The following RAPGEFL1 variants were observed in gnomAD, a reference collection of about 807,000 sequenced individuals.
RAPGEFL1 encodes the protein rap guanine nucleotide exchange factor-like 1.
A neutral mutation model predicts 64.4 loss-of-function variants in RAPGEFL1; 31 were observed. That is an observed-to-expected ratio of 0.48 (90% CI 0.36 to 0.65). The LOEUF (loss-of-function observed/expected upper bound fraction) is 0.65, where lower values mean the gene tolerates loss of function less well. Among genes scored for constraint, RAPGEFL1 ranks in the 30% least tolerant of loss-of-function variants. RAPGEFL1 has a pLI of 0.00. For synonymous variants in RAPGEFL1, 331 were observed against 274.1 expected (o/e 1.21, Z -2.05); for missense variants, 682 against 677.4 (o/e 1.01, Z -0.08).
At chr17:40,192,147 C>T (rs886095955) in intron 10 of RAPGEFL1, 66 bp from the exon 11 acceptor site, 1 of 1,464,042 alleles carries the variant, frequency 6.8e-7, no homozygotes, top group Non-Finnish European at 9.6e-7. Flanking sequence ...AGAATTAATC[C>T]GAGGCTCCCA....
At position 40,194,547 on chromosome 17, in the gene RAPGEFL1, C is replaced by T. The variant is rs1990400367; in HGVS notation, c.*759C>T. Reference sequence around the variant, plus strand: ...CATCAGCCCTTGCAAGTCCCCCACTCAGGCCTCTGGAAGGTCCAGGGATGG... The same window carrying T: ...CATCAGCCCTTGCAAGTCCCCCACTTAGGCCTCTGGAAGGTCCAGGGATGG... On this transcript the variant is annotated 3_prime_UTR_variant, in exon 15 of 15. Coordinates refer to ENST00000620260, the MANE Select transcript of RAPGEFL1 (RefSeq NM_016339.6). 1 of 152,782 alleles carries T rather than the reference C, an allele frequency of 6.5e-6. No individual in the cohort carries two copies. Among genetic ancestry groups the T allele is most frequent in the Admixed American group, 6.5e-5 (1 of 15,272 alleles). The allele number at this position is 152,782 out of a possible 1,614,324, so 9.5% of individuals were successfully genotyped here. A position where few individuals can be genotyped will look rare whatever the true frequency, so the allele number is the denominator to read the frequency against.
chr17:40,189,408 G>A (rs767236852), intron 6 of RAPGEFL1, 33 bp downstream of exon 6: 13 of 1,609,598 alleles, frequency 8.1e-6, no homozygotes, highest in South Asian at 5.5e-5. Context: ...CTGATGCTCC[G>A]AGAGGAGAAA....
Position 40,177,858 on chromosome 17 carries a change from G to T in RAPGEFL1, c.-4G>T. ...CGACCCCTAGGAGAGGGGCGGGGGG[G>T]GGCATGAAGCCGCTGGAGAAATTTC... On this transcript the variant is annotated 5_prime_UTR_variant, in exon 1 of 15. Coordinates refer to ENST00000620260, the MANE Select transcript of RAPGEFL1 (RefSeq NM_016339.6). 2.3e-6 allele frequency: 1 copy of T among 428,144 alleles called. No homozygotes were observed. The allele number at this position is 428,144 out of a possible 1,614,324, so 26.5% of individuals were successfully genotyped here.
chr17:40,178,403 A>G (rs1025264686), intron 1 of RAPGEFL1, 22 bp downstream of exon 1: 5 of 485,702 alleles, frequency 1.0e-5, no homozygotes, highest in African/African-American at 1.0e-4. Flanking sequence ...GTGGGCTCGA[A>G]CACCCAGAGC....
At position 40,195,272 on chromosome 17, in the gene RAPGEFL1, C is replaced by T. The variant is rs1990422034; in HGVS notation, c.*1484C>T. The T allele has an allele frequency of 6.5e-6, 1 of 152,676 alleles. No individual in the cohort carries two copies. Among genetic ancestry groups the T allele is most frequent in the South Asian group, 2.1e-4 (1 of 4,840 alleles). 9.5% of individuals were successfully genotyped at this position (152,676 alleles called of 1,614,324 possible). ...GTCTTGTTCCTGCAGCAAAAATCCT[C>T]TATGGACATAGGAGGTGCTGTGTCC... On this transcript the variant is annotated 3_prime_UTR_variant, in exon 15 of 15. Coordinates refer to ENST00000620260, the MANE Select transcript of RAPGEFL1 (RefSeq NM_016339.6).
intron 4 of RAPGEFL1, 42 bp downstream of exon 4, chr17:40,184,720 C>G: frequency 2.4e-6 from 3 of 1,250,876 alleles, no homozygotes; most frequent in Non-Finnish European, 3.4e-6. Context: ...GAAAGTGGTC[C>G]CCTGCGTTCC....
At chr17:40,180,401 G>A (rs1037136690) in intron 1 of RAPGEFL1, among the ~76,000 whole-genome samples, 4 of 151,956 alleles carry the variant, frequency 2.6e-5, no homozygotes, top group Non-Finnish European at 5.9e-5. Flanking sequence ...CCAGTCCCAG[G>A]TGAATGAGAA....
At chr17:40,182,101 A>G (rs963581468) in intron 2 of RAPGEFL1, among the ~76,000 whole-genome samples, 11 of 151,974 alleles carry the variant, frequency 7.2e-5, no homozygotes, top group Admixed American at 2.0e-4. Flanking sequence ...AAGAAAAGAA[A>G]ACATACCTGG....
rs899390186 is a variant in RAPGEFL1 at position 40,191,740 on chromosome 17, C to A, written c.1605+68C>A. 9 of 1,475,090 alleles carry A rather than the reference C, an allele frequency of 6.1e-6. No homozygotes were observed. The African/African-American group carries it at 1.3e-4, about 20-fold the overall frequency. 91.4% of individuals were successfully genotyped at this position (1,475,090 alleles called of 1,614,324 possible). A position where few individuals can be genotyped will look rare whatever the true frequency, so the allele number is the denominator to read the frequency against. ...CCGGGCTCCCCGAAGTGCGTCCTCC[C>A]GGGACGGCCGCCGGCCTGGAGGGAG... On this transcript the variant is annotated intron_variant, in intron 10 of 14. Transcript: ENST00000620260. The surrounding 1 kb of genome is among the most constrained non-coding windows in gnomAD (Gnocchi z 5.1).
chr17:40,190,853 A>G (rs1990238083), intron 8 of RAPGEFL1, 91 bp downstream of exon 8: 2 of 1,552,710 alleles, frequency 1.3e-6, no homozygotes, highest in South Asian at 1.2e-5. Context: ...CCTGGTTCCA[A>G]GGCTCACTTG....
intron 13 of RAPGEFL1, 55 bp from the exon 14 acceptor site, chr17:40,193,306 AAG>A: frequency 6.4e-7 from 1 of 1,567,564 alleles, no homozygotes; most frequent in Non-Finnish European, 8.8e-7. Flanking sequence ...GGGGGAGCAT[AAG>A]AGGGGGAGCC....
At chr17:40,186,592 A>T (rs1448097759) in intron 4 of RAPGEFL1, among the ~76,000 whole-genome samples, 1 of 144,232 alleles carries the variant, frequency 6.9e-6, no homozygotes, top group African/African-American at 2.6e-5. Context: ...AAAAAAAAAA[A>T]AAAAAAAAAA....
chr17:40,183,968 A>T (rs1462984015), intron 2 of RAPGEFL1, among the ~76,000 whole-genome samples: 8 of 148,216 alleles, frequency 5.4e-5, no homozygotes, highest in Non-Finnish European at 1.2e-4. Context: ...CTCAGCCTCC[A>T]GAGTAGCTGG....
chr17:40,184,080 G>C lies in RAPGEFL1; in HGVS notation c.600-134G>C, dbSNP rs1347028455. On this transcript the variant is annotated intron_variant, in intron 2 of 14. Transcript: ENST00000620260. ...ACTGGTCTCGAACTCCTGACCTCAG[G>C]TGATCCGCCCGCCTCAGCTTCCCAA... 1.3e-5 allele frequency: 10 copies of C among 744,852 alleles called. No homozygotes were observed. The East Asian group carries it at 2.5e-4, about 19-fold the overall frequency. 46.1% of individuals were successfully genotyped at this position (744,852 alleles called of 1,614,324 possible).
Position 40,193,356 on chromosome 17 carries a change from C to T in RAPGEFL1, c.1810-7C>T, listed in dbSNP as rs1183613598. On this transcript the variant is annotated splice_region_variant and splice_polypyrimidine_tract_variant and intron_variant, in intron 13 of 14. Transcript: ENST00000620260. ...CCTTTCAAGGCTCATTCCTTGTCAT[C>T]TCCCAGCATTCAGTGGCCGAAAAAG... 6.2e-7 allele frequency: 1 copy of T among 1,614,180 alleles called. No individual in the cohort carries two copies. The highest frequency in any genetic ancestry group is 8.5e-7 in the Non-Finnish European group (1 of 1,180,034).
In RAPGEFL1 at chr17:40,189,323, G is replaced by A; in HGVS notation, c.1062G>A (p.Glu354=). The A allele has an allele frequency of 6.2e-7, 1 of 1,614,200 alleles. No individual in the cohort carries two copies. The highest frequency in any genetic ancestry group is 2.2e-5 in the East Asian group (1 of 44,888). ...SVTEKLQYSE[E]PAGREDSLIL... is the part of the protein sequence containing the mutation. ...CGGAGAAACTTCAATATTCAGAGGA[G>A]CCCGCGGGGCGTGAGGATTCCCTCA... Residue 354 remains glutamate, a synonymous_variant, in exon 6 of 15, where the codon GAG becomes GAA. Coordinates refer to ENST00000620260, the MANE Select transcript of RAPGEFL1 (RefSeq NM_016339.6).
rs932068450 is a variant in RAPGEFL1, at chr17:40,177,853, G to T, written c.-9G>T. 1.6e-5 allele frequency: 7 copies of T among 427,452 alleles called. No homozygotes were observed. The highest frequency in any genetic ancestry group is 5.8e-5 in the South Asian group (1 of 17,250). 26.5% of individuals were successfully genotyped at this position (427,452 alleles called of 1,614,324 possible). ...CCCGGCGACCCCTAGGAGAGGGGCG[G>T]GGGGGGGCATGAAGCCGCTGGAGAA... is the stretch of plus-strand genomic sequence containing the variant. On this transcript the variant is annotated 5_prime_UTR_variant, in exon 1 of 15. Transcript: ENST00000620260.
rs1283673254 is a variant in RAPGEFL1 at position 40,177,798 on chromosome 17, C to T, written c.-64C>T. 2 of 410,284 alleles carry T rather than the reference C, an allele frequency of 4.9e-6. No individual in the cohort carries two copies. Among genetic ancestry groups the T allele is most frequent in the Non-Finnish European group, 8.6e-6 (2 of 232,578 alleles). The allele number at this position is 410,284 out of a possible 1,614,324, so 25.4% of individuals were successfully genotyped here. Reference sequence around the variant, plus strand: ...TCTGAGCATCGTGTCTTCGCCGCCCCCCCCGCCCGCGCCTGGGATACCTGG... The same window carrying T: ...TCTGAGCATCGTGTCTTCGCCGCCCTCCCCGCCCGCGCCTGGGATACCTGG... On this transcript the variant is annotated 5_prime_UTR_variant, in exon 1 of 15. Coordinates refer to ENST00000620260, the MANE Select transcript of RAPGEFL1 (RefSeq NM_016339.6).
Position 40,178,310 on chromosome 17 carries a change from G to A in RAPGEFL1, c.449G>A (p.Arg150Gln), listed in dbSNP as rs755873753. 6 of 622,598 alleles carry A rather than the reference G, an allele frequency of 9.6e-6. No homozygotes were observed. The highest frequency in any genetic ancestry group is 2.6e-5 in the Admixed American group (1 of 38,710). The allele number at this position is 622,598 out of a possible 1,614,324, so 38.6% of individuals were successfully genotyped here. The change falls in exon 1 of 15, where the codon CGG (arginine) becomes CAG (glutamine). Residue 150 changes from arginine (R) to glutamine (Q), a missense_variant. Around this residue, in one of 2 missense-constraint regions of RAPGEFL1, gnomAD observed 271 missense variants for 158.0 expected, o/e 1.72. Transcript: ENST00000620260. ...PPWAPLGAPE[R>Q]PEHLLNRVLE... Reference sequence around the variant, plus strand: ...TGGGCCCCTCTGGGCGCCCCCGAGCGGCCCGAGCATCTTCTGAACCGGGTT... The same window carrying A: ...TGGGCCCCTCTGGGCGCCCCCGAGCAGCCCGAGCATCTTCTGAACCGGGTT...
Sources: allele counts gnomAD v4.1 joint callset (sites outside exome capture counted in the v4.1 genomes callset), GRCh38; gene constraint gnomAD v4.1.1; regional missense constraint gnomAD v4.1.1; non-coding constraint Gnocchi (gnomAD v3.1); transcripts MANE v1.5; gene names NCBI Gene and HGNC (gene_info 2026-07-23, HGNC 2026-07-21).